Variants in DNAJB14 observed in about 807,000 individuals in gnomAD.
The protein encoded by DNAJB14 is DnaJ heat shock protein family (Hsp40) member B14, also known as dnaJ homolog subfamily B member 14.
In DNAJB14, 22 loss-of-function variants were observed where a neutral mutation model predicts 48.4. That is an observed-to-expected ratio of 0.45 (90% CI 0.32 to 0.65). The LOEUF (loss-of-function observed/expected upper bound fraction) is 0.65. Among genes scored for constraint, DNAJB14 ranks in the 30% least tolerant of loss-of-function variants. The probability of loss-of-function intolerance (pLI) is 0.03; values close to 1 mark genes in which losing one functional copy is unlikely to be tolerated. For missense variants in DNAJB14, 319 were observed against 458.8 expected, an observed-to-expected ratio of 0.70 and a Z score of 2.78; for synonymous variants, 142 against 158.7, an observed-to-expected ratio of 0.89 and a Z score of 0.79.
intron 1 of DNAJB14, 41 bp from the exon 2 acceptor site, chr4:99,930,662 G>A (rs770951577): frequency 1.6e-5 from 25 of 1,545,602 alleles, no homozygotes; most frequent in East Asian, 2.3e-5. Flanking sequence ...TTACATCAAC[G>A]TACATACACA....
chr4:99,904,513 A>AAATTT (rs1018411558), intron 6 of DNAJB14, among the ~76,000 whole-genome samples: 3 of 152,140 alleles, frequency 2.0e-5, no homozygotes, highest in Non-Finnish European at 4.4e-5. Context: ...TATAAAACAT[A>AAATTT]AATTTCATTT....
chr4:99,946,298 C>T, intron 1 of DNAJB14, 141 bp downstream of exon 1: 1 of 1,328,012 alleles, frequency 7.5e-7, no homozygotes. Flanking sequence ...TCGGGATGCT[C>T]CCCACCGGGC....
At chr4:99,927,582 A>T (rs1726301223) in intron 2 of DNAJB14, 1 of 152,212 alleles carries the variant, frequency 6.6e-6, no homozygotes, top group Non-Finnish European at 1.5e-5. Context: ...ATTTCAAATA[A>T]GATCCATGAC....
intron 3 of DNAJB14, among the ~76,000 whole-genome samples, chr4:99,913,463 G>T (rs1274623638): frequency 1.3e-5 from 2 of 151,974 alleles, no homozygotes; most frequent in Admixed American, 1.3e-4. Context: ...TAATTAATGT[G>T]GTGGATTACA....
intron 2 of DNAJB14, chr4:99,927,996 A>G (rs1726317427): frequency 6.6e-6 from 1 of 152,210 alleles, no homozygotes; most frequent in Non-Finnish European, 1.5e-5. Flanking sequence ...GTATTTTGAA[A>G]ACTTGGGGAT....
At chr4:99,917,867 A>G (rs1228422698) in intron 3 of DNAJB14, among the ~76,000 whole-genome samples, 2 of 152,066 alleles carry the variant, frequency 1.3e-5, no homozygotes, top group East Asian at 3.9e-4. Flanking sequence ...TTTTCCCCCT[A>G]TAGGTAAGGC....
intron 7 of DNAJB14, among the ~76,000 whole-genome samples, chr4:99,903,067 G>A (rs1295895813): frequency 6.6e-6 from 1 of 152,104 alleles, no homozygotes; most frequent in Admixed American, 6.6e-5. Context: ...TCCAAAGTCA[G>A]TTCTCCTAAC....
chr4:99,925,038 A>G (rs888418869), intron 2 of DNAJB14: 5 of 499,224 alleles, frequency 1.0e-5, no homozygotes, highest in Middle Eastern at 5.3e-4. Context: ...TATAAAATAC[A>G]CTGTCATCCC....
rs1176356267 is a variant in DNAJB14 at position 99,899,124 on chromosome 4, T to TA, written c.*1903dup. ...TATGGTATCACTTAACTTTGTACAA[T>TA]AACTTCACCTATCTCCTTAAAGCTG... On this transcript the variant is annotated 3_prime_UTR_variant, in exon 8 of 8. Transcript: ENST00000442697. 1 of 151,892 alleles carries TA rather than the reference T, an allele frequency of 6.6e-6. No individual in the cohort carries two copies. Among genetic ancestry groups the TA allele is most frequent in the African/African-American group, 2.4e-5 (1 of 41,424 alleles). 9.4% of individuals were successfully genotyped at this position (151,892 alleles called of 1,614,324 possible).
chr4:99,941,675 C>T (rs1726895750), intron 1 of DNAJB14, among the ~76,000 whole-genome samples: 1 of 152,102 alleles, frequency 6.6e-6, no homozygotes, highest in African/African-American at 2.4e-5. Context: ...AGAATATTGT[C>T]TGGGACAGAA....
intron 1 of DNAJB14, among the ~76,000 whole-genome samples, chr4:99,934,542 C>T (rs2110219167): frequency 6.6e-6 from 1 of 151,650 alleles, no homozygotes; most frequent in Middle Eastern, 3.4e-3. Context: ...ATCTGTAATC[C>T]CAGCACTTTG....
Position 99,897,979 on chromosome 4 carries a change from T to A in DNAJB14, c.*3049A>T, listed in dbSNP as rs1040212484. The A allele has an allele frequency of 9.2e-5, 14 of 152,040 alleles. No individual in the cohort carries two copies. Among genetic ancestry groups the A allele is most frequent in the South Asian group, 2.1e-4 (1 of 4,830 alleles). 9.4% of individuals were successfully genotyped at this position (152,040 alleles called of 1,614,324 possible). On this transcript the variant is annotated 3_prime_UTR_variant, in exon 8 of 8. Transcript: ENST00000442697. ...TTAACACAGGTGGGAGACTTTTTTT[T>A]AATGAAATACATAGGAATCCATTAA...
chr4:99,911,722 A>C (rs1725666954), intron 3 of DNAJB14, among the ~76,000 whole-genome samples: 1 of 152,040 alleles, frequency 6.6e-6, no homozygotes, highest in South Asian at 2.1e-4. Flanking sequence ...TTTTTTGCCC[A>C]TTCTAATTGG....
intron 1 of DNAJB14, among the ~76,000 whole-genome samples, chr4:99,939,675 C>T (rs745523881): frequency 6.6e-6 from 1 of 152,204 alleles, no homozygotes; most frequent in Non-Finnish European, 1.5e-5. Context: ...CAGTCTTTGG[C>T]TCCATCAAGT....
At chr4:99,946,330 A>C (rs1727074080) in intron 1 of DNAJB14, 109 bp downstream of exon 1, 1 of 1,505,446 alleles carries the variant, frequency 6.6e-7, no homozygotes, top group African/African-American at 1.4e-5. Context: ...GCTGGCTCAG[A>C]CAGGCCGGGG....
At chr4:99,902,633 C>G (rs2110191043) in intron 7 of DNAJB14, among the ~76,000 whole-genome samples, 1 of 152,206 alleles carries the variant, frequency 6.6e-6, no homozygotes, top group Non-Finnish European at 1.5e-5. Flanking sequence ...ATGATAATTG[C>G]TGACATTTTC....
intron 1 of DNAJB14, among the ~76,000 whole-genome samples, chr4:99,943,752 C>G (rs2110227889): frequency 6.6e-6 from 1 of 152,226 alleles, no homozygotes; most frequent in East Asian, 1.9e-4. Flanking sequence ...AAAACTGTCC[C>G]TCTAGGACTA....
intron 1 of DNAJB14, among the ~76,000 whole-genome samples, chr4:99,934,351 G>A (rs776332399): frequency 1.9e-4 from 29 of 152,182 alleles, no homozygotes; most frequent in South Asian, 6.2e-4. Flanking sequence ...AAAAAAGGAT[G>A]AGTATGAATT....
intron 1 of DNAJB14, among the ~76,000 whole-genome samples, chr4:99,936,030 T>C (rs1473045700): frequency 6.6e-6 from 1 of 152,116 alleles, no homozygotes; most frequent in Non-Finnish European, 1.5e-5. Flanking sequence ...ATTGTGCCAC[T>C]GCACTCCAAC....
Sources: gnomAD v4.1 joint callset for allele counts (sites outside exome capture counted in the v4.1 genomes callset) on GRCh38, gnomAD v4.1.1 for gene constraint, MANE v1.5 for transcripts, NCBI Gene and HGNC (gene_info 2026-07-23, HGNC 2026-07-21) for gene names.